RYR2: variants seen among roughly 807,000 people sequenced by gnomAD.
The protein encoded by RYR2 is ryanodine receptor 2, also known as cardiac muscle ryanodine receptor-calcium release channel.
RYR2 carries 227 observed loss-of-function variants against 601.1 expected under a neutral mutation model. The observed-to-expected ratio is 0.38, with a 90% CI of 0.34 to 0.42. The LOEUF is 0.42. Among genes scored for constraint, RYR2 ranks in the 10% least tolerant of loss-of-function variants. The pLI, the probability that RYR2 is intolerant of heterozygous loss-of-function variation, is 1.00. For missense variants in RYR2, 4,646 were observed against 6,156.5 expected (o/e 0.75, Z 8.21); for synonymous variants, 2,223 against 2,175.1 (o/e 1.02, Z -0.61).
intron 1 of RYR2, among the ~76,000 whole-genome samples, chr1:237,169,308 CT>C (rs869104559): frequency 1.7e-5 from 1 of 60,006 alleles, no homozygotes; most frequent in African/African-American, 4.5e-5. Context: ...TCTTCTTCTT[CT>C]TTTTTTTTGA....
rs372865914 is a variant in RYR2 at position 237,713,793 on chromosome 1, G to C, written c.10323+1956G>C. ...TTATTTGTGGGTGTGAGAAAGGTGG[G>C]TTTTGCCTGTTGCATTATACAATTG... On this transcript the variant is annotated intron_variant, in intron 71 of 104. Transcript: ENST00000366574. Among the ~76,000 whole-genome samples, 8 of 152,118 alleles carry C rather than the reference G, an allele frequency of 5.3e-5. No individual in the cohort carries two copies. In the East Asian group the frequency reaches 1.5e-3, roughly 29 times the overall value.
At chr1:237,583,502 T>A (rs1039201074) in intron 29 of RYR2, among the ~76,000 whole-genome samples, 5 of 152,276 alleles carry the variant, frequency 3.3e-5, no homozygotes, top group African/African-American at 1.2e-4. Flanking sequence ...TATTAAATAA[T>A]ATAGGCAAAA....
intron 33 of RYR2, among the ~76,000 whole-genome samples, chr1:237,595,247 T>C (rs1420188477): frequency 3.3e-5 from 5 of 152,170 alleles, no homozygotes; most frequent in African/African-American, 1.2e-4. Context: ...GGTCAGTTCT[T>C]ACTTGGTTCC....
At chr1:237,598,849 A>G (rs1037903741) in intron 34 of RYR2, among the ~76,000 whole-genome samples, 1 of 152,204 alleles carries the variant, frequency 6.6e-6, no homozygotes, top group Non-Finnish European at 1.5e-5. Context: ...AAGATCAATG[A>G]TACGAAGAGT....
chr1:237,190,957 G>A (rs888032887), intron 1 of RYR2, among the ~76,000 whole-genome samples: 1 of 152,154 alleles, frequency 6.6e-6, no homozygotes, highest in Admixed American at 6.5e-5. Flanking sequence ...TGTGGCCTAC[G>A]CTTTTGGTGT....
At chr1:237,364,903 A>G (rs1235087343) in intron 5 of RYR2, among the ~76,000 whole-genome samples, 5 of 152,204 alleles carry the variant, frequency 3.3e-5, no homozygotes, top group Non-Finnish European at 7.3e-5. Flanking sequence ...GAGAAGTGAA[A>G]ATAATTCAGC....
chr1:237,769,854 T>C (rs1558377786), intron 84 of RYR2, among the ~76,000 whole-genome samples: 4 of 152,164 alleles, frequency 2.6e-5, no homozygotes, highest in Non-Finnish European at 5.9e-5. Flanking sequence ...AAGTGTTTTT[T>C]TTCCCCCCAC....
chr1:237,478,287 C>A (rs1376879875), intron 17 of RYR2, among the ~76,000 whole-genome samples: 3 of 152,180 alleles, frequency 2.0e-5, no homozygotes, highest in Admixed American at 2.0e-4. Context: ...CCCAGCTCCA[C>A]CGTTTATATA....
intron 29 of RYR2, among the ~76,000 whole-genome samples, chr1:237,577,677 G>T (rs1673419106): frequency 6.6e-6 from 1 of 150,418 alleles, no homozygotes; most frequent in African/African-American, 2.5e-5. Flanking sequence ...CAGCCCTGTT[G>T]AGCAATAGGT....
chr1:237,464,328 A>T (rs2150272914), intron 16 of RYR2, among the ~76,000 whole-genome samples: 1 of 151,670 alleles, frequency 6.6e-6, no homozygotes, highest in Admixed American at 6.6e-5. Context: ...GTAGCCACAG[A>T]ACATCTCTTC....
At chr1:237,718,389 G>A (rs1689435326) in intron 72 of RYR2, 73 bp from the exon 73 acceptor site, 4 of 751,756 alleles carry the variant, frequency 5.3e-6, no homozygotes, top group African/African-American at 3.5e-5. Context: ...AAAAAGGTTT[G>A]GATTGTTTCT....
intron 101 of RYR2, among the ~76,000 whole-genome samples, chr1:237,825,130 C>A (rs1056858641): frequency 4.3e-4 from 65 of 152,162 alleles, no homozygotes; most frequent in Non-Finnish European, 2.6e-4. Flanking sequence ...CATCAAGCTA[C>A]CATTGACTTT....
At position 237,631,237 on chromosome 1, in the gene RYR2, C is replaced by G. The variant is rs559329358; in HGVS notation, c.6441-190C>G. On this transcript the variant is annotated intron_variant, in intron 41 of 104. Transcript: ENST00000366574. ...TGGAAAAGAATAGACATTCGTCAACCAATTTTGGTAAATTATCAATATTTT... is the reference window on the plus strand; with the variant it reads ...TGGAAAAGAATAGACATTCGTCAACGAATTTTGGTAAATTATCAATATTTT... Among the ~76,000 whole-genome samples the G allele has an allele frequency of 1.3e-3, 202 of 152,236 alleles. 2 individuals carry two copies. The South Asian group carries it at 0.015, about 11-fold the overall frequency.
At chr1:237,195,376 C>A (rs1053852732) in intron 1 of RYR2, among the ~76,000 whole-genome samples, 6 of 152,196 alleles carry the variant, frequency 3.9e-5, no homozygotes, top group African/African-American at 1.4e-4. Flanking sequence ...GCCTCAGCCT[C>A]CTGAGTAGCT....
chr1:237,150,891 A>T (rs1416704053), intron 1 of RYR2, among the ~76,000 whole-genome samples: 1 of 152,124 alleles, frequency 6.6e-6, no homozygotes, highest in African/African-American at 2.4e-5. Flanking sequence ...CTGGAAGAAG[A>T]GTATGCTGAT....
chr1:237,694,211 G>C (rs1573550050), intron 63 of RYR2, among the ~76,000 whole-genome samples: 1 of 151,044 alleles, frequency 6.6e-6, no homozygotes, highest in African/African-American at 2.4e-5. Context: ...GGAGAATGGC[G>C]TGAACCCAGG....
intron 16 of RYR2, among the ~76,000 whole-genome samples, chr1:237,465,177 G>A (rs1659934867): frequency 6.6e-6 from 1 of 151,848 alleles, no homozygotes; most frequent in Non-Finnish European, 1.5e-5. Flanking sequence ...CATTAGAAAT[G>A]TATATATTTT....
chr1:237,492,084 G>A (rs1171601459), intron 18 of RYR2, among the ~76,000 whole-genome samples, 160 bp downstream of exon 18: 1 of 152,158 alleles, frequency 6.6e-6, no homozygotes, highest in Non-Finnish European at 1.5e-5. Flanking sequence ...CCAGGCTGGA[G>A]TGCAGTGGCG....
chr1:237,374,843 G>T, intron 7 of RYR2, 48 bp downstream of exon 7: 1 of 1,463,456 alleles, frequency 6.8e-7, no homozygotes, highest in Non-Finnish European at 9.5e-7. Context: ...GAACCCTGCA[G>T]GGGTTGGATT....
Sources: allele counts gnomAD v4.1 joint callset (sites outside exome capture counted in the v4.1 genomes callset), GRCh38; gene constraint gnomAD v4.1.1; transcripts MANE v1.5; gene names NCBI Gene and HGNC (gene_info 2026-07-23, HGNC 2026-07-21).